Variants in MYO5B observed in about 807,000 individuals in gnomAD.
MYO5B encodes the protein myosin VB, also known as unconventional myosin-Vb.
Under a neutral mutation model 229.3 loss-of-function variants are expected in MYO5B, and 143 were observed. The observed-to-expected ratio is 0.62, with a 90% CI of 0.54 to 0.72. The LOEUF (loss-of-function observed/expected upper bound fraction) is 0.72, where lower values mean the gene tolerates loss of function less well. MYO5B is among the 30% of genes least tolerant of loss of function. The pLI is 0.00. For missense variants in MYO5B, 2,321 were observed against 2,331.0 expected, an observed-to-expected ratio of 1.00 and a Z score of 0.09; for synonymous variants, 918 against 885.2, an observed-to-expected ratio of 1.04 and a Z score of -0.66.
intron 1 of MYO5B, among the ~76,000 whole-genome samples, chr18:50,070,656 C>T (rs370216691): frequency 1.3e-5 from 2 of 152,070 alleles, no homozygotes; most frequent in East Asian, 3.9e-4. Flanking sequence ...AACAAAAACA[C>T]CTCATCCTGC....
chr18:49,827,662 A>G (rs1018833473), intron 39 of MYO5B, among the ~76,000 whole-genome samples: 2 of 152,130 alleles, frequency 1.3e-5, no homozygotes, highest in Non-Finnish European at 2.9e-5. Flanking sequence ...AAAAATGAAC[A>G]GAGCCTAACA....
chr18:49,872,306 T>A, intron 26 of MYO5B, 74 bp from the exon 27 acceptor site: 1 of 1,453,096 alleles, frequency 6.9e-7, no homozygotes, highest in Non-Finnish European at 9.7e-7. Context: ...CCAACTGTGG[T>A]CAAACTTGCT....
chr18:50,042,585 A>T (rs926766336), intron 2 of MYO5B, among the ~76,000 whole-genome samples: 5 of 152,226 alleles, frequency 3.3e-5, no homozygotes, highest in African/African-American at 1.2e-4. Context: ...AACAGGGGGA[A>T]ATGGCGAATG....
At chr18:49,991,223 G>T (rs1331560211) in intron 6 of MYO5B, among the ~76,000 whole-genome samples, 1 of 152,214 alleles carries the variant, frequency 6.6e-6, no homozygotes. Flanking sequence ...CATATAAAAT[G>T]CAGGCAAAAG....
intron 2 of MYO5B, among the ~76,000 whole-genome samples, chr18:50,043,279 T>G (rs1479512642): frequency 4.0e-5 from 4 of 99,522 alleles, no homozygotes; most frequent in Non-Finnish European, 7.9e-5. Context: ...TAAATATATT[T>G]ATATTTATAT....
rs113507137 is a variant in MYO5B, at chr18:49,824,937, G to A, written c.*1534C>T. ...GCCCCAGGAGATGCAGAGAACAACTGAGGAAGCTGTGCTCTAAGGGCACAG... is the reference window on the plus strand; with the variant it reads ...GCCCCAGGAGATGCAGAGAACAACTAAGGAAGCTGTGCTCTAAGGGCACAG... On this transcript the variant is annotated 3_prime_UTR_variant, in exon 40 of 40. Coordinates refer to ENST00000285039, the MANE Select transcript of MYO5B (RefSeq NM_001080467.3). 6.6e-6 allele frequency: 1 copy of A among 152,246 alleles called. No individual in the cohort carries two copies. Among genetic ancestry groups the A allele is most frequent in the South Asian group, 2.1e-4 (1 of 4,830 alleles). The allele number at this position is 152,246 out of a possible 1,614,324, so 9.4% of individuals were successfully genotyped here. A position where few individuals can be genotyped will look rare whatever the true frequency, so the allele number is the denominator to read the frequency against.
rs187301548 is a variant in MYO5B, at chr18:49,896,604, G to A, written c.2812-1430C>T. 2.5e-3 allele frequency among the ~76,000 whole-genome samples: 386 copies of A among 152,214 alleles called. 4 individuals are homozygous for A. Among genetic ancestry groups the A allele is most frequent in the African/African-American group, 7.8e-3 (323 of 41,522 alleles). On this transcript the variant is annotated intron_variant, in intron 21 of 39. Coordinates refer to ENST00000285039, the MANE Select transcript of MYO5B (RefSeq NM_001080467.3). ...CAGCCTGGGTCAAATCACTAGGAGT[G>A]GAAGGATAACTAGGCAGGAGGTCTC...
intron 12 of MYO5B, among the ~76,000 whole-genome samples, chr18:49,955,862 G>A (rs570568327): frequency 3.9e-5 from 6 of 152,328 alleles, no homozygotes; most frequent in Admixed American, 6.5e-5. Flanking sequence ...TGGCTGTCAG[G>A]ACCGGGTGGG....
intron 10 of MYO5B, among the ~76,000 whole-genome samples, chr18:49,963,400 TTTAATTAA>T (rs367589656): frequency 1.4e-5 from 2 of 147,498 alleles, no homozygotes; most frequent in African/African-American, 5.0e-5. Context: ...ACTTATTTAA[TTTAATTAA>T]TTAATTAATT....
intron 1 of MYO5B, among the ~76,000 whole-genome samples, chr18:50,132,905 T>C (rs938326692): frequency 3.3e-5 from 5 of 152,240 alleles, no homozygotes; most frequent in Non-Finnish European, 5.9e-5. Flanking sequence ...CCTGGTTACA[T>C]ATACATCCAT....
At chr18:50,027,401 A>G (rs1173474256) in intron 4 of MYO5B, among the ~76,000 whole-genome samples, 1 of 152,178 alleles carries the variant, frequency 6.6e-6, no homozygotes, top group Non-Finnish European at 1.5e-5. Flanking sequence ...ACTTGAGCCC[A>G]TTTATGCCTT....
At chr18:50,056,440 C>T (rs532623760) in intron 1 of MYO5B, among the ~76,000 whole-genome samples, 3 of 152,296 alleles carry the variant, frequency 2.0e-5, no homozygotes, top group African/African-American at 7.2e-5. Context: ...GCTGTCAGAA[C>T]AATTTCTGCA....
chr18:50,163,243 A>C (rs554858337), intron 1 of MYO5B, among the ~76,000 whole-genome samples: 1 of 152,148 alleles, frequency 6.6e-6, no homozygotes, highest in Non-Finnish European at 1.5e-5. Flanking sequence ...ACTCTCCAAA[A>C]GGGAAAAAGT....
intron 1 of MYO5B, among the ~76,000 whole-genome samples, chr18:50,165,707 C>T (rs1315809827): frequency 6.6e-6 from 1 of 151,990 alleles, no homozygotes; most frequent in African/African-American, 2.4e-5. Context: ...ACCCAGGAAG[C>T]AGAGGTTGCA....
At chr18:49,869,757 G>A (rs1784748075) in intron 27 of MYO5B, among the ~76,000 whole-genome samples, 1 of 152,008 alleles carries the variant, frequency 6.6e-6, no homozygotes, top group South Asian at 2.1e-4. Flanking sequence ...ATCCCTTGCA[G>A]GGCTTGTTAA....
In MYO5B at chr18:49,936,647, T is replaced by C. The variant is rs112620149; in HGVS notation, c.1906-298A>G. On this transcript the variant is annotated intron_variant, in intron 15 of 39. Transcript: ENST00000285039. ...AATAAGATGAAAGGTGGGCAAATAC[T>C]GTAGGAGAGATTTGGTCACTGTGCA... Among the ~76,000 whole-genome samples, 140 of 152,260 alleles carry C rather than the reference T, an allele frequency of 9.2e-4. 2 individuals carry two copies. The Middle Eastern group carries it at 0.014, about 15-fold the overall frequency.
At chr18:49,946,955 C>T (rs987854769) in intron 14 of MYO5B, among the ~76,000 whole-genome samples, 6 of 137,844 alleles carry the variant, frequency 4.4e-5, no homozygotes, top group East Asian at 2.1e-4. Flanking sequence ...TGTAGACATC[C>T]GCAAAAGACC....
chr18:49,939,181 C>G (rs2025286457), intron 14 of MYO5B, among the ~76,000 whole-genome samples: 1 of 131,722 alleles, frequency 7.6e-6, no homozygotes, highest in Non-Finnish European at 1.6e-5. Flanking sequence ...CAGTCTCGCT[C>G]TGTTACCAGG....
intron 33 of MYO5B, among the ~76,000 whole-genome samples, chr18:49,845,959 T>C (rs1598827834): frequency 1.3e-5 from 2 of 152,278 alleles, no homozygotes; most frequent in Admixed American, 1.3e-4. Flanking sequence ...GCTCCTCTTT[T>C]CACAGAGAAA....
Sources: gnomAD v4.1 joint callset for allele counts (sites outside exome capture counted in the v4.1 genomes callset) on GRCh38, gnomAD v4.1.1 for gene constraint, MANE v1.5 for transcripts, NCBI Gene and HGNC (gene_info 2026-07-23, HGNC 2026-07-21) for gene names.